Variants in TTLL7 observed in about 807,000 individuals in gnomAD.
The protein encoded by TTLL7 is tubulin tyrosine ligase like 7, also known as tubulin polyglutamylase TTLL7.
In TTLL7, 53 loss-of-function variants were observed where a neutral mutation model predicts 120.2. The observed-to-expected ratio is 0.44, with a 90% CI of 0.35 to 0.55. TTLL7 has a LOEUF of 0.55. Ranked by LOEUF, TTLL7 falls within the 20% of genes least tolerant of loss-of-function variation. The pLI is 0.00. For synonymous variants in TTLL7, 353 were observed against 351.7 expected (o/e 1.00, Z -0.04); for missense variants, 803 against 1,054.7 (o/e 0.76, Z 3.31).
intron 6 of TTLL7, among the ~76,000 whole-genome samples, chr1:83,944,463 T>C (rs1179237042): frequency 6.6e-6 from 1 of 152,180 alleles, no homozygotes; most frequent in African/African-American, 2.4e-5. Flanking sequence ...TCCCAGCACT[T>C]TGGGAGGCCA....
At chr1:83,896,579 G>C (rs960878332) in intron 18 of TTLL7, among the ~76,000 whole-genome samples, 5 of 152,190 alleles carry the variant, frequency 3.3e-5, no homozygotes, top group African/African-American at 1.2e-4. Context: ...CTTTGCTGAT[G>C]CAAAACGAAC....
chr1:83,963,416 G>A (rs1650180983), intron 1 of TTLL7, among the ~76,000 whole-genome samples: 1 of 151,828 alleles, frequency 6.6e-6, no homozygotes, highest in Admixed American at 6.6e-5. Flanking sequence ...CAACATGAAG[G>A]AGGCAGAGCA....
intron 20 of TTLL7, among the ~76,000 whole-genome samples, chr1:83,872,266 A>T (rs1653487788): frequency 6.6e-6 from 1 of 152,236 alleles, no homozygotes; most frequent in East Asian, 1.9e-4. Flanking sequence ...AACATAAAAC[A>T]AACCAAATTA....
intron 1 of TTLL7, among the ~76,000 whole-genome samples, chr1:83,975,129 AG>A (rs1355779404): frequency 1.3e-5 from 2 of 152,150 alleles, no homozygotes; most frequent in African/African-American, 4.8e-5. Flanking sequence ...TATTTATTCA[AG>A]GGAACAAGAC....
chr1:83,875,023 A>G (rs1327741813), intron 20 of TTLL7, among the ~76,000 whole-genome samples: 1 of 151,980 alleles, frequency 6.6e-6, no homozygotes, highest in Non-Finnish European at 1.5e-5. Context: ...TTTAAATTAT[A>G]AAGTATAAGG....
intron 19 of TTLL7, chr1:83,887,267 C>A (rs1655045683): frequency 8.1e-7 from 1 of 1,233,982 alleles, no homozygotes; most frequent in Non-Finnish European, 1.0e-6. Context: ...TTATATTTTT[C>A]TAAGATTTTA....
chr1:83,918,152 T>C (rs1373706008), intron 13 of TTLL7, among the ~76,000 whole-genome samples: 1 of 152,172 alleles, frequency 6.6e-6, no homozygotes, highest in African/African-American at 2.4e-5. Context: ...ATGTGAGTAT[T>C]TGCTGACTGG....
At position 83,892,918 on chromosome 1, in the gene TTLL7, G is replaced by T. The variant is rs1194165899; in HGVS notation, c.2209-2437C>A. Among the ~76,000 whole-genome samples the T allele has an allele frequency of 1.0e-4, 11 of 110,026 alleles. No homozygotes were observed. In the East Asian group the frequency reaches 2.8e-3, roughly 28 times the overall value. 72.2% of individuals were successfully genotyped at this position (110,026 alleles called of 152,430 possible). A position where few individuals can be genotyped will look rare whatever the true frequency, so the allele number is the denominator to read the frequency against. ...AAGAGAAAGAAGGAAAAAGAAAAAA[G>T]AAAGAAAAAGAGAAAGAAAGAAAGA... On this transcript the variant is annotated intron_variant, in intron 18 of 20. Transcript: ENST00000260505.
chr1:83,948,138 C>A (rs1268133627), intron 5 of TTLL7, among the ~76,000 whole-genome samples: 2 of 151,072 alleles, frequency 1.3e-5, no homozygotes, highest in Non-Finnish European at 3.0e-5. Flanking sequence ...TAGTACAATC[C>A]CTGGCACATA....
intron 20 of TTLL7, among the ~76,000 whole-genome samples, chr1:83,877,896 T>C (rs576055468): frequency 6.6e-6 from 1 of 151,976 alleles, no homozygotes; most frequent in South Asian, 2.1e-4. Context: ...TTTTGTTACC[T>C]CTAAAAATGG....
At chr1:83,889,495 C>A (rs1020977443) in intron 19 of TTLL7, among the ~76,000 whole-genome samples, 3 of 151,974 alleles carry the variant, frequency 2.0e-5, no homozygotes, top group Admixed American at 6.6e-5. Flanking sequence ...GTTCAAATCC[C>A]AGTTCCACTA....
intron 9 of TTLL7, among the ~76,000 whole-genome samples, chr1:83,931,379 C>T (rs1659584161): frequency 6.6e-6 from 1 of 152,018 alleles, no homozygotes; most frequent in Admixed American, 6.6e-5. Flanking sequence ...AGCCTTTCCC[C>T]ACCCCTACTT....
intron 8 of TTLL7, 133 bp downstream of exon 8, chr1:83,937,719 T>C: frequency 1.0e-6 from 1 of 993,276 alleles, no homozygotes; most frequent in Non-Finnish European, 1.5e-6. Context: ...AATGATCTGA[T>C]TTTTTTCTCT....
At chr1:83,976,381 T>A (rs968185956) in intron 1 of TTLL7, among the ~76,000 whole-genome samples, 8 of 152,064 alleles carry the variant, frequency 5.3e-5, no homozygotes, top group African/African-American at 1.9e-4. Flanking sequence ...TATTTTAAAG[T>A]GTTTGCTTCA....
In TTLL7 at chr1:83,933,742, C is replaced by T. The variant is rs762469706; in HGVS notation, c.913G>A (p.Val305Ile). The T allele has an allele frequency of 3.7e-6, 6 of 1,610,948 alleles. No individual in the cohort carries two copies. The highest frequency in any genetic ancestry group is 3.4e-5 in the Admixed American group (2 of 59,432). ...GCATGCAGGACATGAGGTTCTGCTA[C>T]AATCAGGGTCTTTACCACCAATTCC... ...ISELVVKTLIVAEPHVLHAYR... is the reference protein window; with the variant it reads ...ISELVVKTLIIAEPHVLHAYR... The change falls in exon 9 of 21, where the codon GTA (valine) becomes ATA (isoleucine). Residue 305 changes from valine to isoleucine, a missense_variant. By Grantham distance (29) the Val-to-Ile change is conservative (BLOSUM62 3). Around this residue, in one of 3 missense-constraint regions of TTLL7, gnomAD observed 324 missense variants for 507.7 expected, o/e 0.64. Transcript: ENST00000260505.
In TTLL7 at chr1:83,997,588, T is replaced by G. The variant is rs533011987; in HGVS notation, c.-177+1343A>C. On this transcript the variant is annotated intron_variant, in intron 1 of 20. Coordinates refer to ENST00000260505, the MANE Select transcript of TTLL7 (RefSeq NM_024686.6). ...AGTGGTCTTGAACCTTCTCTGAATT[T>G]TGTTCCTTAGTCTGTAAAATGGAGT... 4.6e-5 allele frequency among the ~76,000 whole-genome samples: 7 copies of G among 152,346 alleles called. No homozygotes were observed. In the South Asian group the frequency reaches 1.2e-3, roughly 27 times the overall value.
In TTLL7 at chr1:83,941,941, T is replaced by C. The variant is rs143171539; in HGVS notation, c.723+522A>G. ...ATGTAAGTTGACAGCCTTCCTTCTC[T>C]TTTATTGCAACAGAAATTAATAACT... On this transcript the variant is annotated intron_variant, in intron 7 of 20. Coordinates refer to ENST00000260505, the MANE Select transcript of TTLL7 (RefSeq NM_024686.6). 1.4e-4 allele frequency among the ~76,000 whole-genome samples: 22 copies of C among 152,316 alleles called. No individual in the cohort carries two copies. The East Asian group carries it at 3.3e-3, about 23-fold the overall frequency.
intron 1 of TTLL7, among the ~76,000 whole-genome samples, chr1:83,997,074 T>C (rs576277152): frequency 6.6e-6 from 1 of 152,330 alleles, no homozygotes; most frequent in South Asian, 2.1e-4. Flanking sequence ...CTCATACTCT[T>C]GTTTGAACAA....
At chr1:83,994,320 CACTT>C (rs1336338462) in intron 1 of TTLL7, among the ~76,000 whole-genome samples, 1 of 152,180 alleles carries the variant, frequency 6.6e-6, no homozygotes, top group Non-Finnish European at 1.5e-5. Context: ...CTCTCATAGA[CACTT>C]AATGGCCTGC....
Sources: allele counts gnomAD v4.1 joint callset (sites outside exome capture counted in the v4.1 genomes callset), GRCh38; gene constraint gnomAD v4.1.1; regional missense constraint gnomAD v4.1.1; transcripts MANE v1.5; gene names NCBI Gene and HGNC (gene_info 2026-07-23, HGNC 2026-07-21).